CHI3L2: variants seen among roughly 807,000 people sequenced by gnomAD.
The protein encoded by CHI3L2 is chitinase 3 like 2, also known as chitinase-3-like protein 2.
In CHI3L2, 47 loss-of-function variants were observed where a neutral mutation model predicts 47.3. The ratio of observed to expected loss-of-function variants is 0.99; its 90% CI spans 0.79 to 1.27. The LOEUF is 1.27. CHI3L2 is among the 50% of genes most tolerant of loss of function. The pLI is 0.00. For synonymous variants in CHI3L2, 198 were observed against 169.9 expected (o/e 1.17, Z -1.28); for missense variants, 497 against 462.1 (o/e 1.08, Z -0.69).
chr1:111,234,094 C>A (rs1306406522), intron 4 of CHI3L2, among the ~76,000 whole-genome samples: 1 of 150,026 alleles, frequency 6.7e-6, no homozygotes, highest in Non-Finnish European at 1.5e-5. Context: ...AACCAGAGAC[C>A]TTTGTTCACT....
At chr1:111,228,468 G>A (rs1659593213) in intron 1 of CHI3L2, among the ~76,000 whole-genome samples, 1 of 152,212 alleles carries the variant, frequency 6.6e-6, no homozygotes, top group Admixed American at 6.5e-5. Flanking sequence ...ACTTAGCTGA[G>A]CCCTGGACTG....
intron 7 of CHI3L2, 140 bp from the exon 8 acceptor site, chr1:111,238,610 C>CG (rs879379138): frequency 3.1e-4 from 240 of 765,486 alleles, no homozygotes; most frequent in Middle Eastern, 2.0e-3. Flanking sequence ...CACTCTGGTC[C>CG]GGGGGGTCTG....
In CHI3L2 at chr1:111,238,636, G is replaced by T. The variant is rs889027552; in HGVS notation, c.736-114G>T. The T allele has an allele frequency of 2.8e-6, 3 of 1,082,064 alleles. No individual in the cohort carries two copies. The African/African-American group carries it at 4.7e-5, about 17-fold the overall frequency. 67.0% of individuals were successfully genotyped at this position (1,082,064 alleles called of 1,614,324 possible). A position where few individuals can be genotyped will look rare whatever the true frequency, so the allele number is the denominator to read the frequency against. On this transcript the variant is annotated intron_variant, in intron 7 of 10. Coordinates refer to ENST00000369748, the MANE Select transcript of CHI3L2 (RefSeq NM_004000.3). ...GGGGGGTCTGGTCTGTTCACACTCG[G>T]ATGTAGAAAAGAAACCAGGCAGTCA... is the stretch of plus-strand genomic sequence containing the variant.
intron 7 of CHI3L2, among the ~76,000 whole-genome samples, chr1:111,238,130 C>G (rs1659936536): frequency 6.6e-6 from 1 of 152,170 alleles, no homozygotes; most frequent in African/African-American, 2.4e-5. Flanking sequence ...CTGGAGTGAA[C>G]CAATGTACAT....
At chr1:111,229,093 A>C (rs1037189723) in intron 1 of CHI3L2, among the ~76,000 whole-genome samples, 24 of 152,266 alleles carry the variant, frequency 1.6e-4, no homozygotes, top group Admixed American at 2.0e-4. Context: ...GTCCTAGGGA[A>C]ATTATTAATA....
chr1:111,232,098 G>A (rs1296269057), intron 4 of CHI3L2, among the ~76,000 whole-genome samples: 1 of 152,210 alleles, frequency 6.6e-6, no homozygotes, highest in African/African-American at 2.4e-5. Flanking sequence ...TCAGAAGTCA[G>A]TTACAGCCAG....
At chr1:111,228,223 T>C (rs1659584733) in intron 1 of CHI3L2, among the ~76,000 whole-genome samples, 1 of 152,180 alleles carries the variant, frequency 6.6e-6, no homozygotes, top group South Asian at 2.1e-4. Context: ...AACTCTAAAG[T>C]TCTGATCCAA....
At position 111,235,051 on chromosome 1, in the gene CHI3L2, GATTCATGTAAGTCATGAATCAAGTA is replaced by G. The variant is rs763681184; in HGVS notation, c.480+3_480+27del. 6 of 1,613,626 alleles carry G rather than the reference GATTCATGTAAGTCATGAATCAAGTA, an allele frequency of 3.7e-6. No individual in the cohort carries two copies. The highest frequency in any genetic ancestry group is 2.7e-5 in the African/African-American group (2 of 74,920). On this transcript the variant is annotated splice_donor_variant and splice_donor_5th_base_variant and coding_sequence_variant and intron_variant, in exon 5 of 11. Coordinates refer to ENST00000369748, the MANE Select transcript of CHI3L2 (RefSeq NM_004000.3). LOFTEE classifies it high-confidence loss of function. Reference sequence around the variant, plus strand: ...AAGAAAACACTCATTTCACTGTGCTGATTCATGTAAGTCATGAATCAAGTAATTCATGTGAGTCAGATGCCACGGT... The same window carrying G: ...AAGAAAACACTCATTTCACTGTGCTGATTCATGTGAGTCAGATGCCACGGT...
chr1:111,236,301 A>T, intron 7 of CHI3L2, 148 bp downstream of exon 7: 1 of 805,230 alleles, frequency 1.2e-6, no homozygotes, highest in Non-Finnish European at 1.9e-6. Flanking sequence ...AAGTGAGTGC[A>T]GGAGAAGTGC....
At chr1:111,240,596 G>T (rs1348420486) in intron 8 of CHI3L2, among the ~76,000 whole-genome samples, 1 of 152,194 alleles carries the variant, frequency 6.6e-6, no homozygotes, top group African/African-American at 2.4e-5. Context: ...TTGACAGGTT[G>T]ATATTTGCTT....
chr1:111,232,318 TA>T (rs1202562178), intron 4 of CHI3L2, among the ~76,000 whole-genome samples: 6 of 152,170 alleles, frequency 3.9e-5, no homozygotes, highest in Admixed American at 3.3e-4. Context: ...TTGATGCAAA[TA>T]AAAATGTCTT....
At chr1:111,229,903 A>G in intron 2 of CHI3L2, 22 bp downstream of exon 2, 1 of 1,613,560 alleles carries the variant, frequency 6.2e-7, no homozygotes, top group Middle Eastern at 1.6e-4. Context: ...ATAAGTCACT[A>G]CCGCCTGGAT....
At chr1:111,235,111 A>G in intron 5 of CHI3L2, 54 bp downstream of exon 5, 3 of 1,576,464 alleles carry the variant, frequency 1.9e-6, no homozygotes, top group Non-Finnish European at 2.6e-6. Flanking sequence ...TGTACTCAGT[A>G]CTCTGATATC....
chr1:111,239,039 G>A lies in CHI3L2; in HGVS notation c.918+107G>A, dbSNP rs192965742. 9.5e-4 allele frequency: 1,077 copies of A among 1,134,078 alleles called. 11 individuals carry two copies. The highest frequency in any genetic ancestry group is 3.2e-4 in the Non-Finnish European group (258 of 803,970). 70.3% of individuals were successfully genotyped at this position (1,134,078 alleles called of 1,614,324 possible). ...CATCCTGAGTGTTGCGAAGGGGAAA[G>A]GGCAGAGTACTACTGAACATGTGAG... On this transcript the variant is annotated intron_variant, in intron 8 of 10. Transcript: ENST00000369748.
rs1282044088 is a variant in CHI3L2, at chr1:111,227,733, G to A, written c.4G>A (p.Gly2Arg). 1.2e-6 allele frequency: 2 copies of A among 1,614,186 alleles called. No homozygotes were observed. Among genetic ancestry groups the A allele is most frequent in the Non-Finnish European group, 1.7e-6 (2 of 1,180,000 alleles). The change falls in exon 1 of 11, where the codon GGA becomes AGA. Residue 2 changes from glycine to arginine, a missense_variant. By Grantham distance (125) the Gly-to-Arg change is moderately radical (BLOSUM62 -2). Coordinates refer to ENST00000369748, the MANE Select transcript of CHI3L2 (RefSeq NM_004000.3). ...CCAGAAGAAGCTGGCCAAGGATATG[G>A]GAGCAACCACCATGGACCAGAAGTC... Reference protein sequence around the residue: MGATTMDQKSLW... With the variant: MRATTMDQKSLW...
At chr1:111,236,365 C>G (rs1340796628) in intron 7 of CHI3L2, among the ~76,000 whole-genome samples, 1 of 152,226 alleles carries the variant, frequency 6.6e-6, no homozygotes, top group East Asian at 1.9e-4. Context: ...GTGCTGATAG[C>G]TGAAGTGCCC....
chr1:111,240,990 T>C (rs977156834), intron 8 of CHI3L2, among the ~76,000 whole-genome samples: 1 of 152,252 alleles, frequency 6.6e-6, no homozygotes, highest in African/African-American at 2.4e-5. Context: ...AAGGTAGATA[T>C]GTTGAAAGCA....
At chr1:111,240,301 G>A (rs1660009629) in intron 8 of CHI3L2, among the ~76,000 whole-genome samples, 1 of 152,158 alleles carries the variant, frequency 6.6e-6, no homozygotes, top group Non-Finnish European at 1.5e-5. Flanking sequence ...AGGAATGATT[G>A]GCACATCATC....
At chr1:111,231,089 C>T in intron 3 of CHI3L2, 146 bp downstream of exon 3, 1 of 949,368 alleles carries the variant, frequency 1.1e-6, no homozygotes, top group South Asian at 1.4e-5. Context: ...CTGTTCTCAC[C>T]AGTGCTTCAT....
Sources: allele counts gnomAD v4.1 joint callset (sites outside exome capture counted in the v4.1 genomes callset), GRCh38; gene constraint gnomAD v4.1.1; transcripts MANE v1.5; gene names NCBI Gene and HGNC (gene_info 2026-07-23, HGNC 2026-07-21).